STAG1: variants seen among roughly 807,000 people sequenced by gnomAD.
STAG1 encodes the protein STAG1 cohesin complex component, also known as cohesin subunit SA-1.
STAG1 carries 26 observed loss-of-function variants against 170.9 expected under a neutral mutation model. That is an observed-to-expected ratio of 0.15 (90% CI 0.11 to 0.21). The LOEUF (loss-of-function observed/expected upper bound fraction) is 0.21. STAG1 is among the 10% of genes least tolerant of loss of function. The pLI, the probability that STAG1 is intolerant of heterozygous loss-of-function variation, is 1.00. For missense variants in STAG1, 964 were observed against 1,509.5 expected, an observed-to-expected ratio of 0.64 and a Z score of 5.99; for synonymous variants, 514 against 497.7, an observed-to-expected ratio of 1.03 and a Z score of -0.44.
At chr3:136,387,278 G>A (rs999813445) in intron 22 of STAG1, among the ~76,000 whole-genome samples, 2 of 152,292 alleles carry the variant, frequency 1.3e-5, no homozygotes, top group Admixed American at 1.3e-4. Context: ...GCATGGTTGT[G>A]TTCCAATAAA....
intron 4 of STAG1, among the ~76,000 whole-genome samples, chr3:136,581,634 T>A (rs1409821783): frequency 6.6e-6 from 1 of 152,120 alleles, no homozygotes; most frequent in African/African-American, 2.4e-5. Context: ...ACCTTAAAAA[T>A]ATTAATATTT....
intron 24 of STAG1, among the ~76,000 whole-genome samples, chr3:136,367,844 A>T (rs1937138523): frequency 6.6e-6 from 1 of 152,146 alleles, no homozygotes; most frequent in Non-Finnish European, 1.5e-5. Context: ...TTCTTCCTCA[A>T]ATTTGTAAGT....
intron 6 of STAG1, among the ~76,000 whole-genome samples, chr3:136,524,446 G>A (rs1934880459): frequency 6.6e-6 from 1 of 152,162 alleles, no homozygotes; most frequent in Admixed American, 6.5e-5. Flanking sequence ...CATTGATTTT[G>A]TATCCTGAGA....
At position 136,338,006 on chromosome 3, in the gene STAG1, G is replaced by A; in HGVS notation, c.*248C>T. The A allele has an allele frequency of 4.4e-6, 2 of 457,772 alleles. No homozygotes were observed. Among genetic ancestry groups the A allele is most frequent in the Non-Finnish European group, 7.8e-6 (2 of 257,154 alleles). The allele number at this position is 457,772 out of a possible 1,614,324, so 28.4% of individuals were successfully genotyped here. On this transcript the variant is annotated 3_prime_UTR_variant, in exon 34 of 34. Coordinates refer to ENST00000383202, the MANE Select transcript of STAG1 (RefSeq NM_005862.3). ...CCAGAAAAACACACACATCTGTATT[G>A]GGATAAGTCCAATAGTAGGACACAA...
Position 136,666,531 on chromosome 3 carries a change from G to C in STAG1, c.-83-35550C>G, listed in dbSNP as rs183813156. ...AAGATCACATGATGAATAACTGTTT[G>C]ATACGACTGGGCGCGGTGGCTCACG... On this transcript the variant is annotated intron_variant, in intron 1 of 33. Transcript: ENST00000383202. 8.5e-5 allele frequency among the ~76,000 whole-genome samples: 13 copies of C among 152,162 alleles called. No individual in the cohort carries two copies. In the East Asian group the frequency reaches 2.5e-3, roughly 29 times the overall value.
intron 1 of STAG1, among the ~76,000 whole-genome samples, chr3:136,699,928 C>T (rs1286420212): frequency 6.6e-6 from 1 of 151,836 alleles, no homozygotes; most frequent in East Asian, 1.9e-4. Flanking sequence ...TTGATACATC[C>T]GAGGAAATAC....
intron 1 of STAG1, among the ~76,000 whole-genome samples, chr3:136,685,987 G>C (rs1368006086): frequency 6.6e-6 from 1 of 152,178 alleles, no homozygotes; most frequent in Admixed American, 6.5e-5. Context: ...AAAGCTCATT[G>C]GTGCTAGTGA....
chr3:136,593,627 A>G (rs531285609), intron 4 of STAG1, among the ~76,000 whole-genome samples: 4 of 152,332 alleles, frequency 2.6e-5, no homozygotes, highest in Admixed American at 2.0e-4. Flanking sequence ...CGTATCTATG[A>G]TCTTTTACAT....
intron 26 of STAG1, 127 bp from the exon 27 acceptor site, chr3:136,359,423 T>G (rs1323237295): frequency 4.9e-6 from 3 of 608,788 alleles, no homozygotes; most frequent in Non-Finnish European, 7.8e-6. Context: ...CATTGAATTT[T>G]AGCTACTCTG....
chr3:136,375,357 TG>T (rs1168770028), intron 23 of STAG1, among the ~76,000 whole-genome samples: 4 of 152,212 alleles, frequency 2.6e-5, no homozygotes, highest in Admixed American at 1.3e-4. Context: ...AGAAAGATTT[TG>T]TTGTGGGATA....
At chr3:136,426,930 G>A (rs2088143133) in intron 16 of STAG1, among the ~76,000 whole-genome samples, 1 of 152,056 alleles carries the variant, frequency 6.6e-6, no homozygotes, top group African/African-American at 2.4e-5. Context: ...AGCCAGGTGT[G>A]GCGCCTGTAG....
chr3:136,700,876 C>CTTTTTTTTT (rs35459362), intron 1 of STAG1, among the ~76,000 whole-genome samples: 101 of 78,342 alleles, frequency 1.3e-3, no homozygotes, highest in Non-Finnish European at 1.5e-3. Context: ...TATTTTTTTT[C>CTTTTTTTTT]TTTTTTTTTT....
chr3:136,363,625 T>C (rs1936960775), intron 25 of STAG1, among the ~76,000 whole-genome samples, 158 bp from the exon 26 acceptor site: 1 of 152,128 alleles, frequency 6.6e-6, no homozygotes. Flanking sequence ...GTTTTATTTC[T>C]TCATCTTAAA....
chr3:136,702,076 AGAG>A (rs1943082958), intron 1 of STAG1, among the ~76,000 whole-genome samples: 2 of 29,600 alleles, frequency 6.8e-5, no homozygotes, highest in Admixed American at 9.3e-4. Flanking sequence ...CCATGCCGAA[AGAG>A]AGAGAGAGAG....
intron 1 of STAG1, among the ~76,000 whole-genome samples, chr3:136,647,691 G>A (rs1254167670): frequency 6.6e-6 from 1 of 152,002 alleles, no homozygotes; most frequent in African/African-American, 2.4e-5. Context: ...CTTTTGCTAA[G>A]TCTACAAACC....
At chr3:136,393,885 T>C (rs866633452) in intron 22 of STAG1, among the ~76,000 whole-genome samples, 4 of 152,144 alleles carry the variant, frequency 2.6e-5, no homozygotes, top group Admixed American at 6.6e-5. Flanking sequence ...CATGAACCAC[T>C]GTGTCCAGCC....
chr3:136,656,057 C>A (rs764222116), intron 1 of STAG1, among the ~76,000 whole-genome samples: 1 of 151,754 alleles, frequency 6.6e-6, no homozygotes, highest in South Asian at 2.1e-4. Flanking sequence ...ATGTGGTATA[C>A]ACAAACAATG....
At chr3:136,521,460 G>C (rs1934665902) in intron 6 of STAG1, 43 bp from the exon 7 acceptor site, 3 of 1,564,438 alleles carry the variant, frequency 1.9e-6, no homozygotes, top group South Asian at 1.2e-5. Flanking sequence ...TCACATTACA[G>C]AGTTTGATGA....
At position 136,658,174 on chromosome 3, in the gene STAG1, A is replaced by G. The variant is rs559419062; in HGVS notation, c.-83-27193T>C. Among the ~76,000 whole-genome samples, 102 of 149,988 alleles carry G rather than the reference A, an allele frequency of 6.8e-4. No homozygotes were observed. In the East Asian group the frequency reaches 0.019, roughly 28 times the overall value. ...CACTGTACTCCAGCCTAGGTGACAG[A>G]GCCAGGTCCTGTATCTTCCACCCAA... On this transcript the variant is annotated intron_variant, in intron 1 of 33. Transcript: ENST00000383202.
Sources: allele counts gnomAD v4.1 joint callset (sites outside exome capture counted in the v4.1 genomes callset), GRCh38; gene constraint gnomAD v4.1.1; transcripts MANE v1.5; gene names NCBI Gene and HGNC (gene_info 2026-07-23, HGNC 2026-07-21).